TMC7: variants seen among roughly 807,000 people sequenced by gnomAD.
TMC7 encodes transmembrane channel-like protein 7.
In TMC7, 54 loss-of-function variants were observed where a neutral mutation model predicts 82.9. That is an observed-to-expected ratio of 0.65 (90% CI 0.52 to 0.82). TMC7 has a LOEUF of 0.82. TMC7 is among the 40% of genes least tolerant of loss of function. The pLI is 0.00. For missense variants in TMC7, 820 were observed against 901.2 expected (o/e 0.91, Z 1.15); for synonymous variants, 350 against 337.9 (o/e 1.04, Z -0.39).
intron 6 of TMC7, among the ~76,000 whole-genome samples, chr16:19,034,368 G>T (rs1157875378): frequency 6.6e-6 from 1 of 152,100 alleles, no homozygotes; most frequent in Non-Finnish European, 1.5e-5. Context: ...AGAGGCCGAG[G>T]CGGATGGATG....
In TMC7 at chr16:19,030,269, G is replaced by A. The variant is rs771425199; in HGVS notation, c.757G>A (p.Asp253Asn). Residue 253 changes from aspartate (D) to asparagine (N), a missense_variant, in exon 6 of 16, where the codon GAT becomes AAT. By Grantham distance (23) the Asp-to-Asn change is conservative. Coordinates refer to ENST00000304381, the MANE Select transcript of TMC7 (RefSeq NM_024847.4). Reference protein sequence around the residue: ...TSLFYGHYTIDGVKFQNFTYD... With the variant: ...TSLFYGHYTINGVKFQNFTYD... ...CCTCTTTTACGGACATTACACCATT[G>A]ATGGGGTGAAATTTCAGAACTTCAC... 2.5e-6 allele frequency: 4 copies of A among 1,613,470 alleles called. No individual in the cohort carries two copies. Among genetic ancestry groups the A allele is most frequent in the Middle Eastern group, 1.7e-4 (1 of 5,728 alleles).
intron 6 of TMC7, among the ~76,000 whole-genome samples, chr16:19,035,161 A>T (rs1223920734): frequency 6.6e-6 from 1 of 152,204 alleles, no homozygotes; most frequent in East Asian, 1.9e-4. Context: ...ATCCAAAGCA[A>T]ATTAATGCAG....
chr16:19,028,645 T>G (rs1169937825), intron 5 of TMC7, among the ~76,000 whole-genome samples: 1 of 151,234 alleles, frequency 6.6e-6, no homozygotes, highest in East Asian at 1.9e-4. Flanking sequence ...TAGAGCTTCT[T>G]TAATTATTAT....
At position 19,020,891 on chromosome 16, in the gene TMC7, A is replaced by AATAAATGC. The variant is rs1424288105; in HGVS notation, c.461-737_461-736insTAAATGCA. 2.4e-3 allele frequency among the ~76,000 whole-genome samples: 371 copies of AATAAATGC among 151,646 alleles called. 3 individuals are homozygous for AATAAATGC. The highest frequency in any genetic ancestry group is 8.7e-3 in the African/African-American group (360 of 41,410). ...AAATAAATAAATAAATAAATAAATAAAAGCCAGATATCTAGGAATATATCT... is the reference window on the plus strand; with the variant it reads ...AAATAAATAAATAAATAAATAAATAAATAAATGCAAGCCAGATATCTAGGAATATATCT... On this transcript the variant is annotated intron_variant, in intron 3 of 15. Coordinates refer to ENST00000304381, the MANE Select transcript of TMC7 (RefSeq NM_024847.4).
chr16:19,038,900 T>C (rs1316530118), intron 8 of TMC7, among the ~76,000 whole-genome samples: 2 of 152,100 alleles, frequency 1.3e-5, no homozygotes, highest in African/African-American at 2.4e-5. Flanking sequence ...AAAACTAGGC[T>C]GGACTAGGGT....
intron 14 of TMC7, among the ~76,000 whole-genome samples, chr16:19,058,425 A>G (rs1360197711): frequency 2.0e-5 from 3 of 152,126 alleles, no homozygotes; most frequent in African/African-American, 7.2e-5. Flanking sequence ...TTTTATCCCA[A>G]GCTTGCAAAC....
At position 18,984,194 on chromosome 16, in the gene TMC7, C is replaced by A. The variant is rs144988931; in HGVS notation, c.67+64C>A. On this transcript the variant is annotated intron_variant, in intron 1 of 15. Coordinates refer to ENST00000304381, the MANE Select transcript of TMC7 (RefSeq NM_024847.4). The stretch of plus-strand genomic sequence containing the variant: ...GGGGTCCGAGGGCGCACGGAGGGAG[C>A]CGGGTGCTGGAGGCTCGGCCTGGCC... 5.0e-3 allele frequency: 7,078 copies of A among 1,423,830 alleles called. 25 individuals carry two copies. Among genetic ancestry groups the A allele is most frequent in the Middle Eastern group, 9.1e-3 (36 of 3,936 alleles). The allele number at this position is 1,423,830 out of a possible 1,614,324, so 88.2% of individuals were successfully genotyped here. A position where few individuals can be genotyped will look rare whatever the true frequency, so the allele number is the denominator to read the frequency against.
intron 3 of TMC7, among the ~76,000 whole-genome samples, 177 bp downstream of exon 3, chr16:19,016,775 C>T (rs978350723): frequency 2.6e-5 from 4 of 152,168 alleles, no homozygotes; most frequent in African/African-American, 9.7e-5. Flanking sequence ...CAGGAAAAAT[C>T]GTGGATATTT....
intron 1 of TMC7, among the ~76,000 whole-genome samples, chr16:18,992,048 G>A (rs1030420483): frequency 3.9e-5 from 6 of 152,214 alleles, no homozygotes; most frequent in South Asian, 2.1e-4. Context: ...ATAGTGCCAC[G>A]ATAAACATAC....
intron 7 of TMC7, among the ~76,000 whole-genome samples, chr16:19,036,714 CAA>C (rs112464947): frequency 3.1e-5 from 4 of 130,602 alleles, no homozygotes; most frequent in Admixed American, 7.7e-5. Context: ...GACTCCATCT[CAA>C]AAAAAAAAAG....
chr16:19,009,522 T>G, intron 2 of TMC7, 107 bp downstream of exon 2: 47 of 1,345,132 alleles, frequency 3.5e-5, no homozygotes, highest in Non-Finnish European at 3.9e-5. Flanking sequence ...TAAAATTTTA[T>G]TCCTTAGGGT....
intron 4 of TMC7, among the ~76,000 whole-genome samples, chr16:19,022,670 A>C (rs9937539): frequency 0.48 from 73,693 of 152,092 alleles, 20,761 homozygotes; most frequent in East Asian, 0.74. Flanking sequence ...CATATTTATC[A>C]GACTGTATCC....
chr16:19,015,669 C>T (rs140830239), intron 2 of TMC7, among the ~76,000 whole-genome samples: 2,087 of 151,992 alleles, frequency 0.014, 110 homozygotes, highest in East Asian at 0.13. Flanking sequence ...ACTCCGCCTC[C>T]CGGGTTCAAG....
Position 19,045,418 on chromosome 16 carries a change from C to G in TMC7, c.1533C>G (p.Leu511=). The G allele has an allele frequency of 6.2e-7, 1 of 1,613,736 alleles. No homozygotes were observed. Among genetic ancestry groups the G allele is most frequent in the African/African-American group, 1.3e-5 (1 of 74,908 alleles). Residue 511 remains leucine (L), a synonymous_variant, in exon 11 of 16, where the codon CTC becomes CTG. Transcript: ENST00000304381. ...TCATCATCATCTTGGCTGTGACACT[C>G]TTCGTGGATTTTCCTAGAAAGTAAG... is the stretch of plus-strand genomic sequence containing the variant. ...FDFIIILAVT[L]FVDFPRKLLV... is the part of the protein sequence containing the mutation.
At chr16:19,023,237 C>T in intron 5 of TMC7, 42 bp downstream of exon 5, 1 of 1,311,754 alleles carries the variant, frequency 7.6e-7, no homozygotes, top group Non-Finnish European at 1.1e-6. Context: ...CCTCAATCTA[C>T]TAAAAATTGA....
At chr16:18,998,109 C>T (rs1314229662) in intron 1 of TMC7, among the ~76,000 whole-genome samples, 1 of 152,152 alleles carries the variant, frequency 6.6e-6, no homozygotes, top group East Asian at 1.9e-4. Flanking sequence ...TGGCTGCTTT[C>T]CTGCTACAAG....
At chr16:19,038,439 C>T (rs1414466161) in intron 8 of TMC7, among the ~76,000 whole-genome samples, 1 of 152,048 alleles carries the variant, frequency 6.6e-6, no homozygotes, top group Non-Finnish European at 1.5e-5. Flanking sequence ...AGGTGATCTG[C>T]CCGCCTCCAC....
rs1962113923 is a variant in TMC7, at chr16:19,063,895, A to C, written c.*2052A>C. ...TTTTAAAGTGCAGCTCTCTCTAACA[A>C]ATGTGCCTTACAACTCCTGATTAAA... On this transcript the variant is annotated 3_prime_UTR_variant, in exon 16 of 16. Transcript: ENST00000304381. 1 of 152,178 alleles carries C rather than the reference A, an allele frequency of 6.6e-6. No homozygotes were observed. Among genetic ancestry groups the C allele is most frequent in the Non-Finnish European group, 1.5e-5 (1 of 68,040 alleles). The allele number at this position is 152,178 out of a possible 1,614,324, so 9.4% of individuals were successfully genotyped here.
chr16:19,030,299 G>C lies in TMC7; in HGVS notation c.787G>C (p.Asp263His), dbSNP rs367565977. 47 of 1,613,730 alleles carry C rather than the reference G, an allele frequency of 2.9e-5. No individual in the cohort carries two copies. Among genetic ancestry groups the C allele is most frequent in the Non-Finnish European group, 3.8e-5 (45 of 1,179,980 alleles). The change falls in exon 6 of 16, where the codon GAT becomes CAT. Residue 263 changes from aspartate to histidine, a missense_variant. Asp to His is a moderately conservative substitution (Grantham distance 81, BLOSUM62 -1). Transcript: ENST00000304381. ...GGTGAAATTTCAGAACTTCACCTAT[G>C]ATCTGCCCCTGGCGTATTTGTTAAG... is the stretch of plus-strand genomic sequence containing the variant. ...DGVKFQNFTY[D>H]LPLAYLLSTI...
Sources: gnomAD v4.1 joint callset for allele counts (sites outside exome capture counted in the v4.1 genomes callset) on GRCh38, gnomAD v4.1.1 for gene constraint, MANE v1.5 for transcripts, NCBI Gene and HGNC (gene_info 2026-07-23, HGNC 2026-07-21) for gene names.